DTNB: variants seen among roughly 807,000 people sequenced by gnomAD.
DTNB encodes DTN-B.
DTNB carries 63 observed loss-of-function variants against 90.7 expected under a neutral mutation model. The ratio of observed to expected loss-of-function variants is 0.69; its 90% confidence interval spans 0.57 to 0.86. The LOEUF (loss-of-function observed/expected upper bound fraction) is 0.86, where lower values mean the gene tolerates loss of function less well. DTNB is among the 40% of genes least tolerant of loss of function. The pLI is 0.00. For synonymous variants in DTNB, 277 were observed against 286.7 expected (o/e 0.97, Z 0.34); for missense variants, 744 against 807.1 (o/e 0.92, Z 0.95).
intron 2 of DTNB, among the ~76,000 whole-genome samples, chr2:25,640,987 C>G (rs958877991): frequency 6.6e-6 from 1 of 152,140 alleles, no homozygotes; most frequent in African/African-American, 2.4e-5. Context: ...TAAAATACAG[C>G]AAGTATCACA....
intron 18 of DTNB, among the ~76,000 whole-genome samples, chr2:25,386,722 G>C (rs183927697): frequency 6.6e-6 from 1 of 152,320 alleles, no homozygotes; most frequent in Admixed American, 6.5e-5. Flanking sequence ...GAGAGACTGA[G>C]AAAGAAGTCA....
intron 2 of DTNB, among the ~76,000 whole-genome samples, chr2:25,644,542 T>A (rs1464704123): frequency 1.3e-5 from 2 of 151,922 alleles, no homozygotes; most frequent in Non-Finnish European, 2.9e-5. Flanking sequence ...AATCACCTGA[T>A]CAGGAGTTTG....
At chr2:25,451,656 C>A in intron 11 of DTNB, 21 bp from the exon 12 acceptor site, 1 of 1,552,706 alleles carries the variant, frequency 6.4e-7, no homozygotes, top group Non-Finnish European at 8.7e-7. Flanking sequence ...AATAAAAATG[C>A]AACAAGTGTC....
chr2:25,643,853 G>GT (rs2078872177), intron 2 of DTNB, among the ~76,000 whole-genome samples: 1 of 152,178 alleles, frequency 6.6e-6, no homozygotes, highest in African/African-American at 2.4e-5. Flanking sequence ...TTAAGGCATT[G>GT]TAAGTCACAG....
chr2:25,408,166 G>A (rs1294319235), intron 16 of DTNB, among the ~76,000 whole-genome samples: 7 of 152,074 alleles, frequency 4.6e-5, no homozygotes, highest in South Asian at 4.2e-4. Context: ...AAAATTAGCC[G>A]GGTGTAGTGG....
intron 15 of DTNB, among the ~76,000 whole-genome samples, chr2:25,425,016 T>A (rs2051069760): frequency 6.6e-6 from 1 of 152,166 alleles, no homozygotes; most frequent in African/African-American, 2.4e-5. Flanking sequence ...GCAGCAGGGC[T>A]TTTAAAGCCC....
intron 9 of DTNB, among the ~76,000 whole-genome samples, chr2:25,492,520 T>A (rs1328959830): frequency 6.6e-6 from 1 of 152,200 alleles, no homozygotes; most frequent in African/African-American, 2.4e-5. Flanking sequence ...GAAAGTACAG[T>A]ACTGATGTCG....
chr2:25,449,105 T>G (rs1309620497), intron 12 of DTNB, among the ~76,000 whole-genome samples: 2 of 152,178 alleles, frequency 1.3e-5, no homozygotes, highest in Non-Finnish European at 2.9e-5. Flanking sequence ...CAGTACGTAC[T>G]TTTTTTGTCT....
At chr2:25,669,291 A>G (rs2085258720) in intron 1 of DTNB, among the ~76,000 whole-genome samples, 1 of 152,256 alleles carries the variant, frequency 6.6e-6, no homozygotes. Flanking sequence ...ATTTTACTAT[A>G]ATAAAAAAAG....
At chr2:25,559,417 G>A (rs1024189527) in intron 8 of DTNB, among the ~76,000 whole-genome samples, 1 of 152,150 alleles carries the variant, frequency 6.6e-6, no homozygotes, top group Non-Finnish European at 1.5e-5. Context: ...TAGACCTCCA[G>A]GTGGAGGAGA....
chr2:25,573,535 T>C (rs2060197745), intron 8 of DTNB, among the ~76,000 whole-genome samples: 1 of 152,150 alleles, frequency 6.6e-6, no homozygotes, highest in Admixed American at 6.5e-5. Context: ...GCTTTCTCTG[T>C]TCCCTTTCAT....
At chr2:25,483,416 C>T (rs1444188672) in intron 9 of DTNB, among the ~76,000 whole-genome samples, 1 of 152,128 alleles carries the variant, frequency 6.6e-6, no homozygotes, top group Admixed American at 6.5e-5. Context: ...TTAACCAGAA[C>T]AGACTGTTAA....
intron 8 of DTNB, among the ~76,000 whole-genome samples, chr2:25,570,359 G>A (rs2059653130): frequency 8.0e-6 from 1 of 124,450 alleles, no homozygotes; most frequent in African/African-American, 3.2e-5. Context: ...AGTGATCCAT[G>A]ATCACGCCAC....
intron 7 of DTNB, among the ~76,000 whole-genome samples, chr2:25,579,816 C>A (rs2061282776): frequency 6.6e-6 from 1 of 151,800 alleles, no homozygotes; most frequent in African/African-American, 2.4e-5. Flanking sequence ...AGCATATATA[C>A]AGTTTTTTAG....
chr2:25,531,738 G>A, intron 8 of DTNB, 141 bp from the exon 9 acceptor site: 1 of 1,201,414 alleles, frequency 8.3e-7, no homozygotes, highest in Non-Finnish European at 1.1e-6. Flanking sequence ...ATATCATTGG[G>A]CCTTTCAGAA....
chr2:25,660,707 T>C (rs1330802026), intron 1 of DTNB, among the ~76,000 whole-genome samples: 4 of 152,318 alleles, frequency 2.6e-5, no homozygotes, highest in African/African-American at 9.6e-5. Flanking sequence ...TAACGCTGTA[T>C]AATTCCAAAA....
rs893695008 is a variant in DTNB at position 25,386,485 on chromosome 2, G to A, written c.1825+804C>T. Among the ~76,000 whole-genome samples, 12 of 152,318 alleles carry A rather than the reference G, an allele frequency of 7.9e-5. 1 individual carries two copies. Among genetic ancestry groups the A allele is most frequent in the Non-Finnish European group, 1.6e-4 (11 of 68,024 alleles). On this transcript the variant is annotated intron_variant, in intron 18 of 20. Transcript: ENST00000406818. ...GCCATCAGTGTGAGTGACCTACAGC[G>A]CTTAGGGAGGGAAACCATTAGTTTA...
intron 6 of DTNB, among the ~76,000 whole-genome samples, chr2:25,589,368 T>TC (rs1491332416): frequency 0.011 from 557 of 51,286 alleles, 8 homozygotes; most frequent in Non-Finnish European, 0.014. Flanking sequence ...TTTTCTTTTC[T>TC]TTTTTTTTTT....
intron 7 of DTNB, among the ~76,000 whole-genome samples, chr2:25,577,869 G>A (rs970869592): frequency 6.6e-6 from 1 of 152,018 alleles, no homozygotes; most frequent in Non-Finnish European, 1.5e-5. Flanking sequence ...GCGTGGTGGC[G>A]CATGCCTGTA....
Sources: gnomAD v4.1 joint callset for allele counts (sites outside exome capture counted in the v4.1 genomes callset) on GRCh38, gnomAD v4.1.1 for gene constraint, MANE v1.5 for transcripts, NCBI Gene and HGNC (gene_info 2026-07-23, HGNC 2026-07-21) for gene names.